FMN1: variants seen among roughly 807,000 people sequenced by gnomAD.
The protein encoded by FMN1 is formin 1, also known as formin-1.
FMN1 carries 110 observed loss-of-function variants against 132.4 expected under a neutral mutation model. The observed-to-expected ratio is 0.83, with a 90% CI of 0.71 to 0.97. FMN1 has a LOEUF of 0.97. FMN1 is among the 50% of genes least tolerant of loss of function. The pLI, the probability that FMN1 is intolerant of heterozygous loss-of-function variation, is 0.00. For missense variants in FMN1, 1,792 were observed against 1,705.3 expected, an observed-to-expected ratio of 1.05 and a Z score of -0.90; for synonymous variants, 722 against 651.7, an observed-to-expected ratio of 1.11 and a Z score of -1.64.
chr15:32,813,334 TCA>T (rs1195994077), intron 17 of FMN1, among the ~76,000 whole-genome samples: 4 of 152,166 alleles, frequency 2.6e-5, no homozygotes, highest in Admixed American at 2.6e-4. Flanking sequence ...TTTTATCAAG[TCA>T]CAGTTCTAGG....
intron 7 of FMN1, chr15:32,970,902 G>C (rs948383198): frequency 6.6e-6 from 1 of 152,166 alleles, no homozygotes; most frequent in African/African-American, 2.4e-5. Context: ...ACTGAAAGGC[G>C]AAGTTTTTCG....
intron 6 of FMN1, chr15:33,063,812 T>C (rs1566880706): frequency 6.6e-6 from 1 of 152,354 alleles, no homozygotes; most frequent in Non-Finnish European, 1.5e-5. Flanking sequence ...TCTGAATTGC[T>C]CTGCTCAGAT....
chr15:32,909,025 T>C (rs1239087139), intron 11 of FMN1, among the ~76,000 whole-genome samples: 2 of 152,206 alleles, frequency 1.3e-5, no homozygotes, highest in Non-Finnish European at 2.9e-5. Context: ...ACGTCCCTTT[T>C]TCCAAATTTC....
chr15:32,859,361 T>C (rs1397995403), intron 16 of FMN1, among the ~76,000 whole-genome samples: 1 of 152,234 alleles, frequency 6.6e-6, no homozygotes, highest in East Asian at 1.9e-4. Flanking sequence ...TTCAGCTCTA[T>C]TTCCCACATG....
intron 6 of FMN1, chr15:33,063,718 G>A (rs564349864): frequency 5.9e-5 from 9 of 152,300 alleles, no homozygotes; most frequent in African/African-American, 2.2e-4. Context: ...TTCCATTCAA[G>A]TTTGGGTTAA....
chr15:33,035,026 GA>G (rs1235477928), intron 6 of FMN1, among the ~76,000 whole-genome samples: 1 of 152,022 alleles, frequency 6.6e-6, no homozygotes, highest in African/African-American at 2.4e-5. Context: ...AAAACCTACG[GA>G]CCCCTTTCTC....
intron 17 of FMN1, among the ~76,000 whole-genome samples, chr15:32,853,877 G>A (rs2059065813): frequency 6.6e-6 from 1 of 152,156 alleles, no homozygotes; most frequent in Admixed American, 6.5e-5. Context: ...CAGTAACTTA[G>A]GATTCAAGCT....
intron 6 of FMN1, among the ~76,000 whole-genome samples, chr15:33,028,631 G>T (rs1227372350): frequency 2.6e-5 from 4 of 152,090 alleles, no homozygotes; most frequent in Admixed American, 2.6e-4. Context: ...GATCATTTTT[G>T]AAATGCACCA....
At chr15:33,051,643 G>C (rs1159077011) in intron 6 of FMN1, among the ~76,000 whole-genome samples, 1 of 152,188 alleles carries the variant, frequency 6.6e-6, no homozygotes, top group Non-Finnish European at 1.5e-5. Context: ...AGGCAAAACA[G>C]CAGAGTTTTT....
At chr15:32,912,752 T>A (rs1176240366) in intron 10 of FMN1, among the ~76,000 whole-genome samples, 2 of 151,526 alleles carry the variant, frequency 1.3e-5, no homozygotes, top group African/African-American at 4.9e-5. Flanking sequence ...AAAAAAAAAA[T>A]CAAGGTGACT....
At chr15:33,004,613 T>C (rs1015097414) in intron 7 of FMN1, among the ~76,000 whole-genome samples, 2 of 152,170 alleles carry the variant, frequency 1.3e-5, no homozygotes, top group African/African-American at 2.4e-5. Context: ...GTTCAACCAT[T>C]GTGGAAGTCA....
chr15:33,180,149 G>A (rs1965645408), intron 3 of FMN1, 49 bp downstream of exon 3: 1 of 152,134 alleles, frequency 6.6e-6, no homozygotes, highest in Non-Finnish European at 1.5e-5. Flanking sequence ...CCAGAGCACA[G>A]CGTGTCAGTG....
intron 12 of FMN1, among the ~76,000 whole-genome samples, chr15:32,904,272 T>C (rs978033282): frequency 1.3e-5 from 2 of 152,108 alleles, no homozygotes; most frequent in African/African-American, 2.4e-5. Context: ...ACGCACAACA[T>C]GTGAGAAACT....
chr15:33,087,788 T>C (rs980762534), intron 5 of FMN1, among the ~76,000 whole-genome samples: 1 of 136,134 alleles, frequency 7.3e-6, no homozygotes, highest in African/African-American at 2.7e-5. Context: ...TAAAATGTGG[T>C]ATATATTTAC....
At chr15:32,796,032 G>A (rs2057278866) in intron 19 of FMN1, among the ~76,000 whole-genome samples, 2 of 152,206 alleles carry the variant, frequency 1.3e-5, no homozygotes, top group Admixed American at 1.3e-4. Context: ...CAAGAACTTA[G>A]GACATTTTTA....
chr15:32,977,964 C>A (rs1258903026), intron 7 of FMN1, among the ~76,000 whole-genome samples: 1 of 151,330 alleles, frequency 6.6e-6, no homozygotes, highest in African/African-American at 2.4e-5. Context: ...TTAAGTGATT[C>A]TCCTGCCTCA....
At chr15:33,093,559 G>A (rs1298066274) in intron 4 of FMN1, among the ~76,000 whole-genome samples, 1 of 152,148 alleles carries the variant, frequency 6.6e-6, no homozygotes, top group African/African-American at 2.4e-5. Flanking sequence ...TAATGCAACT[G>A]CCCCCATTTT....
intron 17 of FMN1, among the ~76,000 whole-genome samples, chr15:32,843,190 A>G (rs1337513393): frequency 6.8e-6 from 1 of 146,010 alleles, no homozygotes; most frequent in East Asian, 2.3e-4. Context: ...GATTTGTGCA[A>G]TTCTAAAGCC....
At chr15:33,041,958 A>G (rs1354870351) in intron 6 of FMN1, among the ~76,000 whole-genome samples, 1 of 152,192 alleles carries the variant, frequency 6.6e-6, no homozygotes, top group Non-Finnish European at 1.5e-5. Context: ...AATCATTAAG[A>G]TAGTAAACTT....
Sources: allele counts gnomAD v4.1 joint callset (sites outside exome capture counted in the v4.1 genomes callset), GRCh38; gene constraint gnomAD v4.1.1; transcripts MANE v1.5; gene names NCBI Gene and HGNC (gene_info 2026-07-23, HGNC 2026-07-21).